Variants in FGD6 observed in about 807,000 individuals in gnomAD.
The protein encoded by FGD6 is FYVE, RhoGEF and PH domain containing 6, also known as FYVE, RhoGEF and PH domain-containing protein 6.
In FGD6, 90 loss-of-function variants were observed where a neutral mutation model predicts 149.4. That is an observed-to-expected ratio of 0.60 (90% CI 0.51 to 0.72). FGD6 has a LOEUF of 0.72. FGD6 is among the 30% of genes least tolerant of loss of function. The pLI is 0.00. For missense variants in FGD6, 1,437 were observed against 1,684.8 expected, an observed-to-expected ratio of 0.85 and a Z score of 2.57; for synonymous variants, 527 against 584.0, an observed-to-expected ratio of 0.90 and a Z score of 1.41.
At chr12:95,138,689 A>G (rs1019434878) in intron 6 of FGD6, among the ~76,000 whole-genome samples, 3 of 152,104 alleles carry the variant, frequency 2.0e-5, no homozygotes, top group Admixed American at 6.6e-5. Context: ...CATGGAATTC[A>G]TTTCCACTAT....
At chr12:95,190,955 T>C (rs889734987) in intron 2 of FGD6, among the ~76,000 whole-genome samples, 2 of 152,202 alleles carry the variant, frequency 1.3e-5, no homozygotes, top group Non-Finnish European at 2.9e-5. Flanking sequence ...CAGAACATTT[T>C]AGTAAATTTT....
chr12:95,138,245 T>TAAATAAATA (rs869311776), intron 6 of FGD6, among the ~76,000 whole-genome samples: 2 of 149,684 alleles, frequency 1.3e-5, no homozygotes, highest in African/African-American at 4.9e-5. Flanking sequence ...AATAAATAAA[T>TAAATAAATA]AACTCACTCA....
intron 14 of FGD6, among the ~76,000 whole-genome samples, chr12:95,102,467 A>AC (rs1878481519): frequency 2.2e-5 from 3 of 137,048 alleles, no homozygotes; most frequent in South Asian, 2.3e-4. Context: ...AAAAAAAAAA[A>AC]CACAACAACA....
rs1300736075 is a variant in FGD6, at chr12:95,163,661, A to G, written c.2586+8939T>C. On this transcript the variant is annotated intron_variant, in intron 3 of 20. Coordinates refer to ENST00000343958, the MANE Select transcript of FGD6 (RefSeq NM_018351.4). ...GATGTGTTGCATAACACAAAAATGC[A>G]AACTCGAATGAACTAAAAGCTTTAA... Among the ~76,000 whole-genome samples, 8 of 152,364 alleles carry G rather than the reference A, an allele frequency of 5.3e-5. No individual in the cohort carries two copies. In the South Asian group the frequency reaches 6.2e-4, roughly 12 times the overall value.
chr12:95,117,968 G>C (rs1879070634), intron 8 of FGD6, among the ~76,000 whole-genome samples: 1 of 152,052 alleles, frequency 6.6e-6, no homozygotes, highest in South Asian at 2.1e-4. Flanking sequence ...TTGAACCTGG[G>C]AGGCAGAGGT....
Position 95,094,632 on chromosome 12 carries a change from T to C in FGD6, c.3560A>G (p.Lys1187Arg). 1 of 1,613,778 alleles carries C rather than the reference T, an allele frequency of 6.2e-7. No individual in the cohort carries two copies. The highest frequency in any genetic ancestry group is 8.5e-7 in the Non-Finnish European group (1 of 1,179,932). ...ACTAGGACAGAAGGTGATTCTTTTC[T>C]TGGCATACTCTTCTATTGCCCTGGA... Reference protein sequence around the residue: ...AISRAIEEYAKKRITFCPSRS... With the variant: ...AISRAIEEYARKRITFCPSRS... Residue 1187 changes from lysine (K) to arginine (R), a missense_variant, in exon 15 of 21, where the codon AAG becomes AGG. Lys to Arg is a conservative substitution (Grantham distance 26, BLOSUM62 2). Transcript: ENST00000343958.
In FGD6 at chr12:95,210,835, G is replaced by A; in HGVS notation, c.449C>T (p.Thr150Ile). The change falls in exon 2 of 21, where the codon ACT becomes ATT. Residue 150 changes from threonine to isoleucine, a missense_variant. By Grantham distance (89) the Thr-to-Ile change is moderately conservative. This residue lies in a region of FGD6 where 1,055 missense variants were observed against 1,146.0 expected (regional missense o/e 0.92). Coordinates refer to ENST00000343958, the MANE Select transcript of FGD6 (RefSeq NM_018351.4). The stretch of plus-strand genomic sequence containing the variant: ...TTTACTCCTAGTTTTTATAGTCAAA[G>A]TCTCATCAATTTTACTGTTTTCTAA... ...ENLENSKIDETLTIKTRSKCD... is the reference protein window; with the variant it reads ...ENLENSKIDEILTIKTRSKCD... 2.5e-6 allele frequency: 4 copies of A among 1,611,808 alleles called. No individual in the cohort carries two copies. Among genetic ancestry groups the A allele is most frequent in the Non-Finnish European group, 3.4e-6 (4 of 1,179,546 alleles).
intron 2 of FGD6, among the ~76,000 whole-genome samples, chr12:95,182,134 T>C (rs1233236169): frequency 2.0e-5 from 3 of 151,702 alleles, no homozygotes; most frequent in African/African-American, 7.3e-5. Context: ...ATAAAGGCCA[T>C]TAGAAATAAA....
At chr12:95,145,730 T>C (rs1228476689) in intron 5 of FGD6, among the ~76,000 whole-genome samples, 1 of 151,956 alleles carries the variant, frequency 6.6e-6, no homozygotes. Context: ...CAGGCTGGAG[T>C]GTGGTACGAT....
At chr12:95,212,427 C>A (rs1256116719) in intron 1 of FGD6, among the ~76,000 whole-genome samples, 1 of 152,146 alleles carries the variant, frequency 6.6e-6, no homozygotes, top group East Asian at 1.9e-4. Flanking sequence ...CAGATCTGCT[C>A]CTATACTATA....
At chr12:95,089,107 T>C (rs944263436) in intron 18 of FGD6, among the ~76,000 whole-genome samples, 13 of 152,230 alleles carry the variant, frequency 8.5e-5, no homozygotes, top group African/African-American at 2.7e-4. Flanking sequence ...GCATACAGGC[T>C]ATTATCACTA....
At chr12:95,114,727 C>T (rs1346855260) in intron 8 of FGD6, among the ~76,000 whole-genome samples, 1 of 152,122 alleles carries the variant, frequency 6.6e-6, no homozygotes, top group African/African-American at 2.4e-5. Flanking sequence ...CAAGGCAATA[C>T]TTCCTTCTCT....
chr12:95,126,934 A>G (rs1879363385), intron 8 of FGD6, among the ~76,000 whole-genome samples: 1 of 152,046 alleles, frequency 6.6e-6, no homozygotes, highest in Non-Finnish European at 1.5e-5. Flanking sequence ...TCTCAAAAAA[A>G]TAAAAAATAA....
chr12:95,187,798 TC>T (rs1267090818), intron 2 of FGD6, among the ~76,000 whole-genome samples: 2 of 152,184 alleles, frequency 1.3e-5, no homozygotes, highest in African/African-American at 4.8e-5. Context: ...AGCAGGTTAC[TC>T]CTAGAGCTCA....
Position 95,209,709 on chromosome 12 carries a change from A to T in FGD6, c.1575T>A (p.Pro525=). Reference sequence around the variant, plus strand: ...TCTCTGAACTTTTTTCTTCACTTGAAGGATAAGAACTTTTTTCCAAAAGCT... The same window carrying T: ...TCTCTGAACTTTTTTCTTCACTTGATGGATAAGAACTTTTTTCCAAAAGCT... ...SEELLEKSSY[P]SSEEKSSEKS... Residue 525 remains proline, a synonymous_variant, in exon 2 of 21, where the codon CCT becomes CCA. Coordinates refer to ENST00000343958, the MANE Select transcript of FGD6 (RefSeq NM_018351.4). 4 of 1,614,076 alleles carry T rather than the reference A, an allele frequency of 2.5e-6. No individual in the cohort carries two copies. The highest frequency in any genetic ancestry group is 3.4e-6 in the Non-Finnish European group (4 of 1,180,014).
At chr12:95,189,929 C>T (rs1049437794) in intron 2 of FGD6, among the ~76,000 whole-genome samples, 1 of 152,120 alleles carries the variant, frequency 6.6e-6, no homozygotes, top group Non-Finnish European at 1.5e-5. Context: ...TAATATTCTT[C>T]GCTTGTTAGT....
At chr12:95,187,162 T>A (rs1266360721) in intron 2 of FGD6, among the ~76,000 whole-genome samples, 3 of 148,336 alleles carry the variant, frequency 2.0e-5, no homozygotes, top group Non-Finnish European at 4.5e-5. Context: ...AAACCCCATC[T>A]CTACTAAAAA....
In FGD6 at chr12:95,205,028, G is replaced by A. The variant is rs2056686374; in HGVS notation, c.2441+3815C>T. On this transcript the variant is annotated intron_variant, in intron 2 of 20. Coordinates refer to ENST00000343958, the MANE Select transcript of FGD6 (RefSeq NM_018351.4). ...GACGCCTATAATTCCAGCACTTTGGGAGGCTAAGGCAGGAGGATGTCTTGA... is the reference window on the plus strand; with the variant it reads ...GACGCCTATAATTCCAGCACTTTGGAAGGCTAAGGCAGGAGGATGTCTTGA... Among the ~76,000 whole-genome samples the A allele has an allele frequency of 2.0e-5, 3 of 152,212 alleles. No individual in the cohort carries two copies. The South Asian group carries it at 6.2e-4, about 31-fold the overall frequency.
intron 8 of FGD6, among the ~76,000 whole-genome samples, chr12:95,120,480 A>C (rs1484850987): frequency 6.6e-6 from 1 of 151,900 alleles, no homozygotes; most frequent in Non-Finnish European, 1.5e-5. Flanking sequence ...TGAGGTCAGG[A>C]GTTCAAGACC....
Sources: gnomAD v4.1 joint callset for allele counts (sites outside exome capture counted in the v4.1 genomes callset) on GRCh38, gnomAD v4.1.1 for gene constraint, gnomAD v4.1.1 regional missense constraint, MANE v1.5 for transcripts, NCBI Gene and HGNC (gene_info 2026-07-23, HGNC 2026-07-21) for gene names.